The following SPOCD1 variants were observed in gnomAD, a reference collection of about 807,000 sequenced individuals.
SPOCD1 encodes SPOC domain-containing protein 1.
Under a neutral mutation model 92.2 loss-of-function variants are expected in SPOCD1, and 64 were observed. The ratio of observed to expected loss-of-function variants is 0.69; its 90% CI spans 0.57 to 0.86. The LOEUF is 0.86. SPOCD1 is among the 40% of genes least tolerant of loss of function. The pLI, the probability that SPOCD1 is intolerant of heterozygous loss-of-function variation, is 0.00. For missense variants in SPOCD1, 1,360 were observed against 1,543.1 expected, an observed-to-expected ratio of 0.88 and a Z score of 1.99; for synonymous variants, 578 against 619.3, an observed-to-expected ratio of 0.93 and a Z score of 0.99.
intron 4 of SPOCD1, 32 bp from the exon 5 acceptor site, chr1:31,800,173 G>A (rs752405880): frequency 2.1e-5 from 32 of 1,558,254 alleles, no homozygotes; most frequent in East Asian, 9.6e-5. Flanking sequence ...GCTATTGGCC[G>A]GAAATGGAGG....
At position 31,800,600 on chromosome 1, in the gene SPOCD1, C is replaced by A; in HGVS notation, c.1443G>T (p.Val481=). 6.2e-7 allele frequency: 1 copy of A among 1,607,658 alleles called. No individual in the cohort carries two copies. The highest frequency in any genetic ancestry group is 1.1e-5 in the South Asian group (1 of 90,272). The change falls in exon 4 of 16, where the codon GTG becomes GTT. Residue 481 remains valine (V), a synonymous_variant. Transcript: ENST00000360482. ...GGCTGATGGCCCCCAGGAGCTGGATCACTGGCCCGGAACCCAGCTGCGGGG... is the reference window on the plus strand; with the variant it reads ...GGCTGATGGCCCCCAGGAGCTGGATAACTGGCCCGGAACCCAGCTGCGGGG... ...KLVCYLGSGP[V]IQLLGAISHG...
chr1:31,815,279 G>A lies in SPOCD1; in HGVS notation c.55C>T (p.Pro19Ser). The change falls in exon 2 of 16, where the codon CCC becomes TCC. Residue 19 changes from proline (P) to serine (S), a missense_variant. By Grantham distance (74) the Pro-to-Ser change is moderately conservative. Coordinates refer to ENST00000360482, the MANE Select transcript of SPOCD1 (RefSeq NM_144569.7). ...GPSTGDPVLS[P>S]QHNCELLQNM... ...TGTAAAAGCTCACAGTTGTGTTGGG[G>A]ACTGAGCACAGGGTCTCCTGTGCTG... 2.5e-6 allele frequency: 4 copies of A among 1,593,160 alleles called. No homozygotes were observed. Among genetic ancestry groups the A allele is most frequent in the Non-Finnish European group, 3.4e-6 (4 of 1,164,316 alleles).
intron 2 of SPOCD1, among the ~76,000 whole-genome samples, chr1:31,810,354 A>AT (rs35691769): frequency 0.18 from 25,036 of 137,762 alleles, 3,054 homozygotes; most frequent in South Asian, 0.33. Context: ...TTAGTGTTGA[A>AT]TTTTTTTTTT....
intron 3 of SPOCD1, 106 bp from the exon 4 acceptor site, chr1:31,800,723 T>A: frequency 9.9e-7 from 1 of 1,013,388 alleles, no homozygotes; most frequent in Non-Finnish European, 1.4e-6. Context: ...CCCACTGGAG[T>A]GTAAGCTCCG....
chr1:31,800,192 T>A (rs758406111), intron 4 of SPOCD1, 51 bp from the exon 5 acceptor site: 1 of 1,535,258 alleles, frequency 6.5e-7, no homozygotes, highest in South Asian at 1.2e-5. Flanking sequence ...GGCCAGGGAC[T>A]GTTCCCTCCC....
At chr1:31,799,510 TC>T in intron 6 of SPOCD1, 25 bp from the exon 7 acceptor site, 1 of 1,594,246 alleles carries the variant, frequency 6.3e-7, no homozygotes, top group African/African-American at 1.3e-5. Flanking sequence ...CGTCACAGGC[TC>T]CCAGGGGTGC....
intron 2 of SPOCD1, among the ~76,000 whole-genome samples, chr1:31,808,456 A>C (rs2149115804): frequency 6.6e-6 from 1 of 150,624 alleles, no homozygotes; most frequent in South Asian, 2.1e-4. Flanking sequence ...CAATAATAAT[A>C]ATTATAATAA....
chr1:31,796,530 C>T (rs187110719), intron 10 of SPOCD1, 60 bp downstream of exon 10: 702 of 1,613,684 alleles, frequency 4.4e-4, no homozygotes, highest in Admixed American at 1.4e-3. Context: ...GCTGGTGAGG[C>T]GAGGCGTGGG....
rs141184600 is a variant in SPOCD1 at position 31,798,373 on chromosome 1, C to T, written c.2029-50G>A. On this transcript the variant is annotated intron_variant, in intron 8 of 15. Transcript: ENST00000360482. The surrounding 1 kb of genome is among the most constrained non-coding windows in gnomAD (Gnocchi z 4.1). ...GCACCACACGCTGAAAGAGCTCCCC[C>T]ACCCTAGCATCCTGCAGGGGCTCTG... 644 of 1,596,076 alleles carry T rather than the reference C, an allele frequency of 4.0e-4. No individual in the cohort carries two copies. In the African/African-American group the frequency reaches 7.8e-3, roughly 19 times the overall value.
rs769303979 is a variant in SPOCD1 at position 31,791,305 on chromosome 1, C to T, written c.2963-14G>A. The T allele has an allele frequency of 2.0e-6, 3 of 1,494,456 alleles. No individual in the cohort carries two copies. Among genetic ancestry groups the T allele is most frequent in the Non-Finnish European group, 2.7e-6 (3 of 1,120,970 alleles). 92.6% of individuals were successfully genotyped at this position (1,494,456 alleles called of 1,614,324 possible). A position where few individuals can be genotyped will look rare whatever the true frequency, so the allele number is the denominator to read the frequency against. On this transcript the variant is annotated splice_polypyrimidine_tract_variant and intron_variant, in intron 15 of 15. Coordinates refer to ENST00000360482, the MANE Select transcript of SPOCD1 (RefSeq NM_144569.7). The stretch of plus-strand genomic sequence containing the variant: ...GAGCCCAAAGGCCTGCGGGGAAGAA[C>T]TGTGTTCAGCTTAGCTGCAGCAGAT...
rs773096538 is a variant in SPOCD1, at chr1:31,798,421, C to A, written c.2028+21G>T. On this transcript the variant is annotated intron_variant, in intron 8 of 15. Transcript: ENST00000360482. The surrounding 1 kb of genome is among the most constrained non-coding windows in gnomAD (Gnocchi z 4.1). The stretch of plus-strand genomic sequence containing the variant: ...CTGAGATTCAGAGAGGGGACGCAGC[C>A]CAGCCCAAAGCCCTGCTCACCAGGT... 1.3e-5 allele frequency: 20 copies of A among 1,597,048 alleles called. No individual in the cohort carries two copies. The Admixed American group carries it at 3.2e-4, about 26-fold the overall frequency.
intron 10 of SPOCD1, 103 bp downstream of exon 10, chr1:31,796,487 A>C (rs1235337305): frequency 6.4e-7 from 1 of 1,570,342 alleles, no homozygotes; most frequent in Non-Finnish European, 8.7e-7. Context: ...GGTGGGCCTC[A>C]GAGCAGTCAG....
At position 31,798,629 on chromosome 1, in the gene SPOCD1, A is replaced by G. The variant is rs575258605; in HGVS notation, c.1869-28T>C. ...GTGGAGGCCAGGGCAGGGCGGGGGC[A>G]CTGAGCCCAGGAGGCTCTCCAGGCA... is the stretch of plus-strand genomic sequence containing the variant. On this transcript the variant is annotated intron_variant, in intron 7 of 15. Coordinates refer to ENST00000360482, the MANE Select transcript of SPOCD1 (RefSeq NM_144569.7). This position sits in a 1 kb window ranked among gnomAD's most constrained non-coding sequence, Gnocchi z 4.1. 36 of 1,605,222 alleles carry G rather than the reference A, an allele frequency of 2.2e-5. No homozygotes were observed. In the South Asian group the frequency reaches 3.8e-4, roughly 17 times the overall value.
At chr1:31,793,653 C>T in intron 12 of SPOCD1, 94 bp downstream of exon 12, 1 of 1,603,748 alleles carries the variant, frequency 6.2e-7, no homozygotes, top group Non-Finnish European at 8.5e-7. Context: ...CCCAAGGCCA[C>T]ACAGGAAAAG....
At chr1:31,797,449 T>C (rs1429075314) in intron 9 of SPOCD1, among the ~76,000 whole-genome samples, 1 of 152,246 alleles carries the variant, frequency 6.6e-6, no homozygotes, top group African/African-American at 2.4e-5. Flanking sequence ...GGGCCCCACA[T>C]TTTCATTCTG....
At position 31,794,109 on chromosome 1, in the gene SPOCD1, C is replaced by T. The variant is rs374418170; in HGVS notation, c.2383+15G>A. On this transcript the variant is annotated intron_variant, in intron 11 of 15. Transcript: ENST00000360482. ...CTGGCTGCCACCCCTGCACCCCTCCCGTGTCCCCTCCCACCCTTGCAGATG... is the reference window on the plus strand; with the variant it reads ...CTGGCTGCCACCCCTGCACCCCTCCTGTGTCCCCTCCCACCCTTGCAGATG... The T allele has an allele frequency of 1.8e-4, 285 of 1,611,504 alleles. No homozygotes were observed. Among genetic ancestry groups the T allele is most frequent in the Non-Finnish European group, 1.0e-4 (119 of 1,178,066 alleles).
At chr1:31,799,651 C>T (rs891600491) in intron 6 of SPOCD1, among the ~76,000 whole-genome samples, 158 bp downstream of exon 6, 1 of 152,176 alleles carries the variant, frequency 6.6e-6, no homozygotes, top group African/African-American at 2.4e-5. Flanking sequence ...CCAGTGGCCC[C>T]CACCCCTTCC....
rs1284616191 is a variant in SPOCD1 at position 31,798,644 on chromosome 1, C to T, written c.1869-43G>A. The T allele has an allele frequency of 6.3e-7, 1 of 1,591,888 alleles. No individual in the cohort carries two copies. Among genetic ancestry groups the T allele is most frequent in the African/African-American group, 1.3e-5 (1 of 74,572 alleles). On this transcript the variant is annotated intron_variant, in intron 7 of 15. Transcript: ENST00000360482. The surrounding 1 kb of genome is among the most constrained non-coding windows in gnomAD (Gnocchi z 4.1). ...GGGCGGGGGCACTGAGCCCAGGAGG[C>T]TCTCCAGGCACTTAGTCCCAGAGGG...
At chr1:31,792,947 C>T (rs750757186) in intron 13 of SPOCD1, among the ~76,000 whole-genome samples, 180 bp from the exon 14 acceptor site, 5 of 152,212 alleles carry the variant, frequency 3.3e-5, no homozygotes, top group Non-Finnish European at 7.3e-5. Context: ...CCTGTACTGG[C>T]TAATCTACAA....
Sources: allele counts gnomAD v4.1 joint callset (sites outside exome capture counted in the v4.1 genomes callset), GRCh38; gene constraint gnomAD v4.1.1; non-coding constraint Gnocchi (gnomAD v3.1); transcripts MANE v1.5; gene names NCBI Gene and HGNC (gene_info 2026-07-23, HGNC 2026-07-21).